FAM135B: variants seen among roughly 807,000 people sequenced by gnomAD.
FAM135B encodes the protein family with sequence similarity 135 member B, also known as protein FAM135B.
In FAM135B, 43 loss-of-function variants were observed where a neutral mutation model predicts 127.7. The ratio of observed to expected loss-of-function variants is 0.34; its 90% CI spans 0.26 to 0.43. The LOEUF is 0.43. Ranked by LOEUF, FAM135B falls within the 20% of genes least tolerant of loss-of-function variation. The pLI is 1.00. For missense variants in FAM135B, 1,558 were observed against 1,725.6 expected, an observed-to-expected ratio of 0.90 and a Z score of 1.72; for synonymous variants, 670 against 665.1, an observed-to-expected ratio of 1.01 and a Z score of -0.11.
At chr8:138,379,567 C>T (rs1339408079) in intron 1 of FAM135B, among the ~76,000 whole-genome samples, 1 of 152,044 alleles carries the variant, frequency 6.6e-6, no homozygotes, top group Non-Finnish European at 1.5e-5. Context: ...AGCTGAGTTG[C>T]TAGGGAAAGA....
At chr8:138,392,733 G>T (rs906836177) in intron 1 of FAM135B, among the ~76,000 whole-genome samples, 1 of 152,124 alleles carries the variant, frequency 6.6e-6, no homozygotes, top group Non-Finnish European at 1.5e-5. Flanking sequence ...TGTGCCGGGG[G>T]CATGGAATTA....
At chr8:138,277,327 G>T (rs1385138856) in intron 3 of FAM135B, among the ~76,000 whole-genome samples, 1 of 152,090 alleles carries the variant, frequency 6.6e-6, no homozygotes, top group Non-Finnish European at 1.5e-5. Context: ...TCAGGGAGAG[G>T]TTCCCTCTCT....
At chr8:138,405,914 T>C (rs1050144885) in intron 1 of FAM135B, among the ~76,000 whole-genome samples, 1 of 152,148 alleles carries the variant, frequency 6.6e-6, no homozygotes, top group Admixed American at 6.5e-5. Context: ...TTCTAACTGG[T>C]GTGAGATGGT....
intron 7 of FAM135B, among the ~76,000 whole-genome samples, chr8:138,203,748 C>T (rs1817340341): frequency 6.6e-6 from 1 of 152,082 alleles, no homozygotes; most frequent in South Asian, 2.1e-4. Flanking sequence ...AAGAGCATTA[C>T]ATTTATTGTA....
intron 17 of FAM135B, 82 bp from the exon 18 acceptor site, chr8:138,139,178 C>T (rs4634695): frequency 0.69 from 580,233 of 842,292 alleles, 200,091 homozygotes; most frequent in East Asian, 0.79. Flanking sequence ...GTGAGATGAA[C>T]GTTAAACTGA....
intron 7 of FAM135B, among the ~76,000 whole-genome samples, chr8:138,199,434 G>A (rs1563760797): frequency 6.6e-6 from 1 of 152,188 alleles, no homozygotes; most frequent in Non-Finnish European, 1.5e-5. Context: ...TGGAGGAACT[G>A]CATTGCATTG....
intron 1 of FAM135B, among the ~76,000 whole-genome samples, chr8:138,418,026 A>G (rs567151407): frequency 4.9e-4 from 74 of 152,286 alleles, no homozygotes; most frequent in Non-Finnish European, 1.0e-3. Context: ...GAAAGTTGAA[A>G]CCCAATCCAA....
intron 1 of FAM135B, among the ~76,000 whole-genome samples, chr8:138,470,609 C>A (rs571988131): frequency 6.6e-6 from 1 of 152,142 alleles, no homozygotes; most frequent in Non-Finnish European, 1.5e-5. Flanking sequence ...TTGCGGGAAT[C>A]TTTCAGAGTC....
chr8:138,167,154 A>G (rs1820009242), intron 12 of FAM135B, among the ~76,000 whole-genome samples: 1 of 152,064 alleles, frequency 6.6e-6, no homozygotes, highest in Non-Finnish European at 1.5e-5. Context: ...CTAACTCCAT[A>G]CAGACAGTTG....
chr8:138,479,831 C>T (rs2131679268), intron 1 of FAM135B, among the ~76,000 whole-genome samples: 1 of 152,224 alleles, frequency 6.6e-6, no homozygotes, highest in East Asian at 1.9e-4. Context: ...GTTCTTGCTT[C>T]AAAATTACAT....
chr8:138,242,629 C>T lies in FAM135B; in HGVS notation c.669+313G>A, dbSNP rs1385301002. ...AACCAGACATGGCCTTCAACGTTAT[C>T]ACATAGTCTGAGTGGCCCCCTCACA... On this transcript the variant is annotated intron_variant, in intron 7 of 19. Coordinates refer to ENST00000395297, the MANE Select transcript of FAM135B (RefSeq NM_015912.4). The surrounding 1 kb of genome is among the most constrained non-coding windows in gnomAD (Gnocchi z 9.6). Among the ~76,000 whole-genome samples the T allele has an allele frequency of 6.6e-6, 1 of 152,146 alleles. No individual in the cohort carries two copies. The highest frequency in any genetic ancestry group is 1.5e-5 in the Non-Finnish European group (1 of 68,026).
chr8:138,453,000 C>G (rs1458287325), intron 1 of FAM135B, among the ~76,000 whole-genome samples: 1 of 152,158 alleles, frequency 6.6e-6, no homozygotes, highest in African/African-American at 2.4e-5. Flanking sequence ...CCACAATGTC[C>G]TATGACTTAT....
At position 138,229,294 on chromosome 8, in the gene FAM135B, C is replaced by T. The variant is rs535001484; in HGVS notation, c.669+13648G>A. ...GGACTCATCTCCAAGTGTGTCTGGGCGTGGCATTGGACACCTTCTATGATC... is the reference window on the plus strand; with the variant it reads ...GGACTCATCTCCAAGTGTGTCTGGGTGTGGCATTGGACACCTTCTATGATC... On this transcript the variant is annotated intron_variant, in intron 7 of 19. Transcript: ENST00000395297. Among the ~76,000 whole-genome samples, 81 of 152,092 alleles carry T rather than the reference C, an allele frequency of 5.3e-4. 1 individual carries two copies. The highest frequency in any genetic ancestry group is 1.0e-3 in the Non-Finnish European group (70 of 68,004).
intron 1 of FAM135B, among the ~76,000 whole-genome samples, chr8:138,378,133 T>C (rs75053375): frequency 6.6e-6 from 1 of 152,176 alleles, no homozygotes; most frequent in Non-Finnish European, 1.5e-5. Context: ...CAACTTCTCA[T>C]AGCAGGGACA....
chr8:138,219,016 T>C (rs113101360), intron 7 of FAM135B, among the ~76,000 whole-genome samples: 3 of 152,342 alleles, frequency 2.0e-5, no homozygotes, highest in African/African-American at 7.2e-5. Context: ...ATAAATATCA[T>C]GTGCCTACTT....
intron 3 of FAM135B, among the ~76,000 whole-genome samples, chr8:138,280,168 G>A (rs2130734756): frequency 6.6e-6 from 1 of 152,152 alleles, no homozygotes; most frequent in Non-Finnish European, 1.5e-5. Flanking sequence ...GCTTACTAGG[G>A]TACCAAAAAA....
At chr8:138,311,000 G>A (rs1319240532) in intron 2 of FAM135B, 80 bp from the exon 3 acceptor site, 5 of 1,152,568 alleles carry the variant, frequency 4.3e-6, no homozygotes, top group Non-Finnish European at 6.3e-6. Context: ...AATTAATCCT[G>A]AAAGCCATAG....
intron 1 of FAM135B, among the ~76,000 whole-genome samples, chr8:138,491,227 A>G (rs555370356): frequency 6.6e-6 from 1 of 152,276 alleles, no homozygotes; most frequent in East Asian, 1.9e-4. Flanking sequence ...AACAAAAGCT[A>G]TATCATCAAT....
At position 138,243,204 on chromosome 8, in the gene FAM135B, G is replaced by C; in HGVS notation, c.543-136C>G. The C allele has an allele frequency of 4.1e-6, 4 of 966,364 alleles. No individual in the cohort carries two copies. The highest frequency in any genetic ancestry group is 5.8e-6 in the Non-Finnish European group (4 of 684,490). The allele number at this position is 966,364 out of a possible 1,614,324, so 59.9% of individuals were successfully genotyped here. A position where few individuals can be genotyped will look rare whatever the true frequency, so the allele number is the denominator to read the frequency against. On this transcript the variant is annotated intron_variant, in intron 6 of 19. Coordinates refer to ENST00000395297, the MANE Select transcript of FAM135B (RefSeq NM_015912.4). The surrounding 1 kb of genome is among the most constrained non-coding windows in gnomAD (Gnocchi z 7.5). ...AGGAGTAGTTCACCCCCTAGGGAGT[G>C]TTTGCATGTGACATTTGTGGATATT... is the stretch of plus-strand genomic sequence containing the variant.
Sources: gnomAD v4.1 joint callset for allele counts (sites outside exome capture counted in the v4.1 genomes callset) on GRCh38, gnomAD v4.1.1 for gene constraint, Gnocchi (gnomAD v3.1) non-coding constraint, MANE v1.5 for transcripts, NCBI Gene and HGNC (gene_info 2026-07-23, HGNC 2026-07-21) for gene names.